The following MARCHF11 variants were observed in gnomAD, a reference collection of about 807,000 sequenced individuals.
MARCHF11 encodes the protein E3 ubiquitin-protein ligase MARCHF11.
MARCHF11 carries 29 observed loss-of-function variants against 37.3 expected under a neutral mutation model. The observed-to-expected ratio is 0.78, with a 90% CI of 0.58 to 1.06. The LOEUF is 1.06. Among genes scored for constraint, MARCHF11 ranks in the 50% least tolerant of loss-of-function variants. The probability of loss-of-function intolerance (pLI) is 0.00; values close to 1 mark genes in which losing one functional copy is unlikely to be tolerated. For synonymous variants in MARCHF11, 233 were observed against 228.0 expected, an observed-to-expected ratio of 1.02 and a Z score of -0.20; for missense variants, 482 against 533.4, an observed-to-expected ratio of 0.90 and a Z score of 0.95.
intron 2 of MARCHF11, among the ~76,000 whole-genome samples, chr5:16,176,440 T>G (rs1036768594): frequency 7.9e-5 from 12 of 152,204 alleles, no homozygotes; most frequent in Non-Finnish European, 1.3e-4. Flanking sequence ...GATACCCAAG[T>G]AGTTCAATCA....
At chr5:16,090,736 G>C (rs1736776833) in intron 3 of MARCHF11, among the ~76,000 whole-genome samples, 153 bp downstream of exon 3, 1 of 151,478 alleles carries the variant, frequency 6.6e-6, no homozygotes, top group Admixed American at 6.6e-5. Context: ...TCTTAGAAAA[G>C]CAGCCCAATT....
At chr5:16,087,222 A>G (rs1220457479) in intron 3 of MARCHF11, among the ~76,000 whole-genome samples, 16 of 152,252 alleles carry the variant, frequency 1.1e-4, no homozygotes, top group African/African-American at 2.4e-5. Context: ...CATTTGATCC[A>G]TAGAAGTATT....
chr5:16,150,069 T>C (rs1038980891), intron 2 of MARCHF11, among the ~76,000 whole-genome samples: 1 of 149,260 alleles, frequency 6.7e-6, no homozygotes, highest in Non-Finnish European at 1.5e-5. Context: ...AACTGAAACT[T>C]CCTCTGTCTT....
intron 2 of MARCHF11, among the ~76,000 whole-genome samples, chr5:16,152,182 T>C (rs966030519): frequency 5.9e-4 from 90 of 152,086 alleles, no homozygotes; most frequent in African/African-American, 1.8e-3. Context: ...TTTTTTTGTA[T>C]CTCTCAAGAC....
intron 2 of MARCHF11, among the ~76,000 whole-genome samples, chr5:16,137,422 CA>C (rs149400404): frequency 0.032 from 4,914 of 152,252 alleles, 284 homozygotes; most frequent in African/African-American, 0.11. Flanking sequence ...TGCCTTCTGC[CA>C]ATGATTATGC....
rs1736370727 is a variant in MARCHF11, at chr5:16,067,588, T to A, written c.1092A>T (p.Ser364=). The change falls in exon 4 of 4, where the codon TCA becomes TCT. Residue 364 remains serine (S), a synonymous_variant. Coordinates refer to ENST00000332432, the MANE Select transcript of MARCHF11 (RefSeq NM_001102562.3). The part of the protein sequence containing the change: ...RNLVHPTQLT[S]PRFQCGYVLL... ...ACACATAGCCACACTGAAACCTTGGTGAGGTTAACTGAGTTGGGTGGACCA... is the reference window on the plus strand; with the variant it reads ...ACACATAGCCACACTGAAACCTTGGAGAGGTTAACTGAGTTGGGTGGACCA... 2 of 1,613,720 alleles carry A rather than the reference T, an allele frequency of 1.2e-6. No homozygotes were observed. Among genetic ancestry groups the A allele is most frequent in the Non-Finnish European group, 1.7e-6 (2 of 1,179,764 alleles).
chr5:16,109,412 C>T lies in MARCHF11; in HGVS notation c.694-18331G>A, dbSNP rs1476682532. On this transcript the variant is annotated intron_variant, in intron 2 of 3. Transcript: ENST00000332432. ...CAATCATGCCTATGTAATGAAACCT[C>T]CATAAAGCCCTAAAAGGACAGAGTT... Among the ~76,000 whole-genome samples, 5 of 152,144 alleles carry T rather than the reference C, an allele frequency of 3.3e-5. No individual in the cohort carries two copies. In the East Asian group the frequency reaches 5.8e-4, roughly 18 times the overall value.
intron 2 of MARCHF11, among the ~76,000 whole-genome samples, chr5:16,134,924 G>A (rs1737581535): frequency 6.7e-6 from 1 of 149,776 alleles, no homozygotes; most frequent in Non-Finnish European, 1.5e-5. Flanking sequence ...AAATCTAGAA[G>A]GAAACACAAA....
chr5:16,078,511 C>T (rs75833136), intron 3 of MARCHF11, among the ~76,000 whole-genome samples: 1 of 152,136 alleles, frequency 6.6e-6, no homozygotes, highest in South Asian at 2.1e-4. Flanking sequence ...GTCTCCCCTG[C>T]CCTGCTGGTG....
Position 16,085,939 on chromosome 5 carries a change from CAAAAAAAAAAAAAAAAAAAAA to C in MARCHF11, c.886+4929_886+4949del, listed in dbSNP as rs56782867. 6.8e-4 allele frequency among the ~76,000 whole-genome samples: 28 copies of C among 40,974 alleles called. 1 individual carries two copies. Among genetic ancestry groups the C allele is most frequent in the East Asian group, 4.8e-3 (7 of 1,446 alleles). 26.9% of individuals were successfully genotyped at this position (40,974 alleles called of 152,430 possible). On this transcript the variant is annotated intron_variant, in intron 3 of 3. Coordinates refer to ENST00000332432, the MANE Select transcript of MARCHF11 (RefSeq NM_001102562.3). ...TGGGCGAAAGAGCAAGACTCCATCT[CAAAAAAAAAAAAAAAAAAAAA>C]AAAAAAAAAAAAAAAAATCTTATTA...
intron 3 of MARCHF11, among the ~76,000 whole-genome samples, chr5:16,083,916 C>G (rs900998273): frequency 1.3e-5 from 2 of 152,182 alleles, no homozygotes; most frequent in Non-Finnish European, 2.9e-5. Context: ...TTTAAATAGA[C>G]AAGTAGTCAT....
At position 16,167,494 on chromosome 5, in the gene MARCHF11, G is replaced by A. The variant is rs114981197; in HGVS notation, c.693+10232C>T. Among the ~76,000 whole-genome samples, 1,371 of 152,148 alleles carry A rather than the reference G, an allele frequency of 9.0e-3. 14 individuals are homozygous for A. Among genetic ancestry groups the A allele is most frequent in the Middle Eastern group, 0.037 (11 of 294 alleles). ...AGGTCAGCCTTTTTGTTCTAGTCAG[G>A]CTTTGAACTGACTGGCTGCAGCTCT... On this transcript the variant is annotated intron_variant, in intron 2 of 3. Transcript: ENST00000332432.
chr5:16,126,941 G>A (rs1025564136), intron 2 of MARCHF11, among the ~76,000 whole-genome samples: 7 of 152,098 alleles, frequency 4.6e-5, no homozygotes, highest in African/African-American at 1.7e-4. Context: ...TATTTTTAAG[G>A]GGTCATAAAT....
chr5:16,159,234 A>T (rs6880397), intron 2 of MARCHF11, among the ~76,000 whole-genome samples: 2 of 151,604 alleles, frequency 1.3e-5, no homozygotes, highest in African/African-American at 2.4e-5. Flanking sequence ...TGGACACACC[A>T]TCATACAACA....
intron 2 of MARCHF11, among the ~76,000 whole-genome samples, chr5:16,093,023 G>A (rs1481728819): frequency 1.3e-5 from 2 of 152,130 alleles, no homozygotes; most frequent in East Asian, 1.9e-4. Context: ...GAAGAAAATC[G>A]CTATCAACCA....
chr5:16,138,780 C>A (rs1737654136), intron 2 of MARCHF11, among the ~76,000 whole-genome samples: 1 of 152,214 alleles, frequency 6.6e-6, no homozygotes, highest in African/African-American at 2.4e-5. Context: ...GACATGGAGT[C>A]AAATGAGATC....
chr5:16,133,115 G>T (rs1243297822), intron 2 of MARCHF11, among the ~76,000 whole-genome samples: 1 of 151,850 alleles, frequency 6.6e-6, no homozygotes, highest in Non-Finnish European at 1.5e-5. Context: ...TGAAAAAAAA[G>T]TGGCCCCAAT....
At chr5:16,096,789 T>C (rs1348499293) in intron 2 of MARCHF11, among the ~76,000 whole-genome samples, 1 of 152,198 alleles carries the variant, frequency 6.6e-6, no homozygotes, top group Non-Finnish European at 1.5e-5. Flanking sequence ...ATACACTCCA[T>C]CAGGTCTCTA....
Position 16,178,950 on chromosome 5 carries a change from G to T in MARCHF11, c.537+89C>A, listed in dbSNP as rs969161854. 4.5e-6 allele frequency: 6 copies of T among 1,323,942 alleles called. No individual in the cohort carries two copies. In the African/African-American group the frequency reaches 9.2e-5, roughly 20 times the overall value. The allele number at this position is 1,323,942 out of a possible 1,614,324, so 82.0% of individuals were successfully genotyped here. ...GAGCCTCACTGGAGGCAAACTGGGA[G>T]GTAGGCGTGCGCTGTCCGTGGTGCT... is the stretch of plus-strand genomic sequence containing the variant. On this transcript the variant is annotated intron_variant, in intron 1 of 3. Coordinates refer to ENST00000332432, the MANE Select transcript of MARCHF11 (RefSeq NM_001102562.3).
Sources: gnomAD v4.1 joint callset for allele counts (sites outside exome capture counted in the v4.1 genomes callset) on GRCh38, gnomAD v4.1.1 for gene constraint, MANE v1.5 for transcripts, NCBI Gene and HGNC (gene_info 2026-07-23, HGNC 2026-07-21) for gene names.